Variants in GSN observed in about 807,000 individuals in gnomAD.
GSN encodes actin-depolymerizing factor.
Under a neutral mutation model 85.7 loss-of-function variants are expected in GSN, and 56 were observed. The ratio of observed to expected loss-of-function variants is 0.65; its 90% confidence interval spans 0.53 to 0.82. GSN has a LOEUF of 0.82. GSN is among the 40% of genes least tolerant of loss of function. The pLI is 0.00. For missense variants in GSN, 857 were observed against 979.8 expected (o/e 0.87, Z 1.67); for synonymous variants, 373 against 399.1 (o/e 0.93, Z 0.78).
intron 11 of GSN, 107 bp downstream of exon 11, chr9:121,321,508 C>T: frequency 9.3e-7 from 1 of 1,070,834 alleles, no homozygotes; most frequent in Non-Finnish European, 1.4e-6. Context: ...ACCACCACTC[C>T]CTGCTGGGAG....
In GSN at chr9:121,326,602, G is replaced by A. The variant is rs998869731; in HGVS notation, c.1507G>A (p.Glu503Lys). Residue 503 changes from glutamate (E) to lysine (K), a missense_variant, in exon 13 of 18, where the codon GAG (glutamate) becomes AAG (lysine). Physicochemically the swap from Glu to Lys is moderately conservative, Grantham distance 56 (BLOSUM62 1). Transcript: ENST00000432226. ...CATCTACAAGGGCGGCACCTCCCGC[G>A]AGGGCGGGCAGACAGCCCCTGCCAG... ...MIIYKGGTSR[E>K]GGQTAPASTR... 2.9e-5 allele frequency: 47 copies of A among 1,610,218 alleles called. No individual in the cohort carries two copies. The highest frequency in any genetic ancestry group is 3.7e-5 in the Non-Finnish European group (44 of 1,178,108).
chr9:121,292,787 G>A (rs572958736), intron 2 of GSN, among the ~76,000 whole-genome samples: 59 of 152,222 alleles, frequency 3.9e-4, no homozygotes, highest in Admixed American at 9.2e-4. Context: ...AGACTCCGCA[G>A]GCACTCCTGG....
chr9:121,301,633 A>T (rs1217504187), intron 2 of GSN, among the ~76,000 whole-genome samples: 1 of 144,438 alleles, frequency 6.9e-6, no homozygotes, highest in Non-Finnish European at 1.5e-5. Context: ...CTCAAAAAAA[A>T]AAAAAAAAAA....
At chr9:121,278,209 C>A (rs896132379) in intron 1 of GSN, among the ~76,000 whole-genome samples, 4 of 152,118 alleles carry the variant, frequency 2.6e-5, no homozygotes, top group African/African-American at 7.2e-5. Flanking sequence ...GAGCTTGTGT[C>A]CTAGCTTCAC....
chr9:121,261,529 C>T lies in GSN; in HGVS notation c.-340-3625C>T, dbSNP rs987660629. ...TTCACCTTGCTGTGCCTCAGTTTCT[C>T]GATCTATGAACTGGGAGTGAGAGTA... On this transcript the variant is annotated intron_variant, in intron 6 of 24. Transcript: ENST00000373823. This position sits in a 1 kb window ranked among gnomAD's most constrained non-coding sequence, Gnocchi z 4.1. Among the ~76,000 whole-genome samples, 6 of 152,232 alleles carry T rather than the reference C, an allele frequency of 3.9e-5. No individual in the cohort carries two copies. Among genetic ancestry groups the T allele is most frequent in the African/African-American group, 7.2e-5 (3 of 41,464 alleles).
Position 121,300,024 on chromosome 9 carries a change from C to T in GSN, c.-9-1939C>T, listed in dbSNP as rs1181670051. 7 of 1,521,740 alleles carry T rather than the reference C, an allele frequency of 4.6e-6. No homozygotes were observed. In the Admixed American group the frequency reaches 7.7e-5, roughly 17 times the overall value. 94.3% of individuals were successfully genotyped at this position (1,521,740 alleles called of 1,614,324 possible). A position where few individuals can be genotyped will look rare whatever the true frequency, so the allele number is the denominator to read the frequency against. ...GGCGCGGGTGAGTGCCCGGGGGGCC[C>T]CGGGGCTCCCGGAGTAACTCTCTAT... On this transcript the variant is annotated intron_variant, in intron 2 of 17. Coordinates refer to ENST00000432226, the MANE Select transcript of GSN (RefSeq NM_198252.3).
At chr9:121,273,300 C>T (rs2056240803) in intron 1 of GSN, among the ~76,000 whole-genome samples, 2 of 152,194 alleles carry the variant, frequency 1.3e-5, no homozygotes, top group South Asian at 2.1e-4. Flanking sequence ...ATATATTCTA[C>T]ATATGTGAGC....
At chr9:121,315,695 A>G (rs923581005) in intron 7 of GSN, among the ~76,000 whole-genome samples, 2 of 152,196 alleles carry the variant, frequency 1.3e-5, no homozygotes, top group African/African-American at 4.8e-5. Context: ...CGGGAGGCGG[A>G]GGTTGCAGTG....
chr9:121,206,158 T>G (rs1373856640), upstream of GSN, among the ~76,000 whole-genome samples: 1 of 152,168 alleles, frequency 6.6e-6, no homozygotes, highest in Non-Finnish European at 1.5e-5. Flanking sequence ...TTCTACCTAA[T>G]TTAAAAAACG....
intron 14 of GSN, among the ~76,000 whole-genome samples, chr9:121,328,414 AGAAC>A (rs1484834362): frequency 3.9e-5 from 6 of 152,244 alleles, no homozygotes; most frequent in African/African-American, 1.4e-4. Context: ...GTGGGAATGA[AGAAC>A]TGAACTTTTA....
At chr9:121,317,350 G>A in intron 8 of GSN, 132 bp downstream of exon 8, 1 of 1,033,292 alleles carries the variant, frequency 9.7e-7, no homozygotes, top group Non-Finnish European at 1.5e-6. Flanking sequence ...GTCTTGGGCT[G>A]AGGCCTTGGT....
intron 2 of GSN, among the ~76,000 whole-genome samples, chr9:121,293,697 CA>C (rs55953322): frequency 0.053 from 5,805 of 108,730 alleles, 246 homozygotes; most frequent in Admixed American, 0.15. Flanking sequence ...GACCCCATCT[CA>C]AAAAAAAAAA....
intron 11 of GSN, among the ~76,000 whole-genome samples, chr9:121,323,852 C>A (rs1278769112): frequency 1.3e-5 from 2 of 152,128 alleles, no homozygotes; most frequent in Non-Finnish European, 2.9e-5. Flanking sequence ...TTTGACAACC[C>A]CAGACATTTA....
chr9:121,332,141 G>A lies in GSN; in HGVS notation c.2027-293G>A, dbSNP rs559684154. On this transcript the variant is annotated intron_variant, in intron 17 of 17. Coordinates refer to ENST00000432226, the MANE Select transcript of GSN (RefSeq NM_198252.3). The surrounding 1 kb of genome is among the most constrained non-coding windows in gnomAD (Gnocchi z 4.8). ...TGATTTGTGAGCTGGGAACCCAAAA[G>A]TTGGTTCCCATATCTTCCAGTAGGG... Among the ~76,000 whole-genome samples, 6 of 152,286 alleles carry A rather than the reference G, an allele frequency of 3.9e-5. No individual in the cohort carries two copies. In the East Asian group the frequency reaches 1.2e-3, roughly 29 times the overall value.
intron 1 of GSN, chr9:121,281,124 GC>G (rs1276863143): frequency 6.2e-6 from 1 of 162,504 alleles, no homozygotes; most frequent in Non-Finnish European, 1.4e-5. Context: ...GACTTGAGGG[GC>G]CCAGGATCAC....
chr9:121,204,255 C>G (rs568706749), upstream of GSN, among the ~76,000 whole-genome samples: 1 of 152,314 alleles, frequency 6.6e-6, no homozygotes, highest in African/African-American at 2.4e-5. Context: ...TCATACAGAT[C>G]TAAAGTCGTT....
intron 11 of GSN, among the ~76,000 whole-genome samples, chr9:121,321,729 T>C (rs1187733386): frequency 1.6e-5 from 2 of 126,226 alleles, no homozygotes; most frequent in African/African-American, 7.2e-5. Flanking sequence ...AAATTTATAT[T>C]TGTTTATTTA....
At chr9:121,297,434 C>T (rs2059324267) in intron 2 of GSN, among the ~76,000 whole-genome samples, 1 of 152,136 alleles carries the variant, frequency 6.6e-6, no homozygotes, top group African/African-American at 2.4e-5. Flanking sequence ...ATGCCAACTG[C>T]AGTGATCTAG....
At chr9:121,313,590 C>T in intron 6 of GSN, 1 of 368,020 alleles carries the variant, frequency 2.7e-6, no homozygotes, top group South Asian at 2.3e-5. Flanking sequence ...CCTGGCCTGG[C>T]TGCGAGGATG....
Sources: allele counts gnomAD v4.1 joint callset (sites outside exome capture counted in the v4.1 genomes callset), GRCh38; gene constraint gnomAD v4.1.1; non-coding constraint Gnocchi (gnomAD v3.1); transcripts MANE v1.5; gene names NCBI Gene and HGNC (gene_info 2026-07-23, HGNC 2026-07-21).